The following ST6GALNAC3 variants were observed in gnomAD, a reference collection of about 807,000 sequenced individuals.
ST6GALNAC3 encodes alpha-N-acetylgalactosaminide alpha-2,6-sialyltransferase 3.
In ST6GALNAC3, 25 loss-of-function variants were observed where a neutral mutation model predicts 32.7. The ratio of observed to expected loss-of-function variants is 0.76; its 90% CI spans 0.56 to 1.07. The LOEUF (loss-of-function observed/expected upper bound fraction) is 1.07, where lower values mean the gene tolerates loss of function less well. Among genes scored for constraint, ST6GALNAC3 ranks in the 50% least tolerant of loss-of-function variants. The pLI is 0.00. For synonymous variants in ST6GALNAC3, 129 were observed against 133.1 expected (o/e 0.97, Z 0.21); for missense variants, 355 against 382.4 (o/e 0.93, Z 0.60).
intron 3 of ST6GALNAC3, among the ~76,000 whole-genome samples, chr1:76,559,971 A>G (rs1188916554): frequency 6.6e-6 from 1 of 152,154 alleles, no homozygotes; most frequent in Non-Finnish European, 1.5e-5. Flanking sequence ...AAGGGAAAAG[A>G]AGCAAATGAC....
intron 1 of ST6GALNAC3, among the ~76,000 whole-genome samples, chr1:76,202,218 T>G (rs534484776): frequency 6.6e-6 from 1 of 151,902 alleles, no homozygotes; most frequent in East Asian, 1.9e-4. Flanking sequence ...GCATTGATGC[T>G]TCCAAGCCAA....
At chr1:76,501,585 C>A (rs937632410) in intron 3 of ST6GALNAC3, among the ~76,000 whole-genome samples, 8 of 152,202 alleles carry the variant, frequency 5.3e-5, no homozygotes, top group African/African-American at 1.9e-4. Context: ...AAAACCACGC[C>A]TAATAAGGAA....
rs542661868 is a variant in ST6GALNAC3, at chr1:76,460,409, T to C, written c.623+47992T>C. Among the ~76,000 whole-genome samples, 4 of 152,036 alleles carry C rather than the reference T, an allele frequency of 2.6e-5. No homozygotes were observed. The East Asian group carries it at 7.8e-4, about 30-fold the overall frequency. On this transcript the variant is annotated intron_variant, in intron 3 of 4. Coordinates refer to ENST00000328299, the MANE Select transcript of ST6GALNAC3 (RefSeq NM_152996.4). ...GCTGTTTTATTGGAAATCACACAAC[T>C]TGGGAAAGTCTCAAGGATAAATTTT...
chr1:76,338,545 A>T (rs1237014055), intron 2 of ST6GALNAC3, among the ~76,000 whole-genome samples: 4 of 151,996 alleles, frequency 2.6e-5, no homozygotes, highest in Non-Finnish European at 5.9e-5. Flanking sequence ...CTATAGCAAT[A>T]CTCCTTAACG....
At chr1:76,112,796 T>C (rs1453923680) in intron 1 of ST6GALNAC3, among the ~76,000 whole-genome samples, 1 of 148,556 alleles carries the variant, frequency 6.7e-6, no homozygotes, top group East Asian at 2.0e-4. Context: ...CGGGCAGAGA[T>C]GCTCCTCACT....
chr1:76,484,927 ATGAAAGGCTGTTGAATTTCGTCAAAG>A (rs1659999988), intron 3 of ST6GALNAC3, among the ~76,000 whole-genome samples: 2 of 152,236 alleles, frequency 1.3e-5, no homozygotes, highest in Admixed American at 1.3e-4. Flanking sequence ...AGTTTTTAGC[ATGAAAGGCTGTTGAATTTCGTCAAAG>A]GCCTTTTCTG....
chr1:76,378,664 C>CCA (rs1394049523), intron 2 of ST6GALNAC3, among the ~76,000 whole-genome samples: 1 of 101,670 alleles, frequency 9.8e-6, no homozygotes, highest in African/African-American at 3.7e-5. Context: ...TTCCTTCCCC[C>CCA]CCCCAAAAAA....
chr1:76,214,329 A>G (rs1260133559), intron 1 of ST6GALNAC3, among the ~76,000 whole-genome samples: 1 of 152,060 alleles, frequency 6.6e-6, no homozygotes, highest in Non-Finnish European at 1.5e-5. Context: ...TAGCTTTGGT[A>G]TTTTCATCTT....
intron 3 of ST6GALNAC3, among the ~76,000 whole-genome samples, chr1:76,609,796 T>C (rs140368176): frequency 5.9e-5 from 9 of 152,126 alleles, no homozygotes; most frequent in Admixed American, 1.3e-4. Context: ...CTCCTTCATA[T>C]AGCATTAATT....
Position 76,378,667 on chromosome 1 carries a change from CCAA to C in ST6GALNAC3, c.214-33340_214-33338del, listed in dbSNP as rs1463202024. ...AGAAGAACGAAATTCCTTCCCCCCCCCAAAAAAAAAAATTAAAAATTTGCTTTT... is the reference window on the plus strand; with the variant it reads ...AGAAGAACGAAATTCCTTCCCCCCCCAAAAAAAAATTAAAAATTTGCTTTT... On this transcript the variant is annotated intron_variant, in intron 2 of 4. Coordinates refer to ENST00000328299, the MANE Select transcript of ST6GALNAC3 (RefSeq NM_152996.4). Among the ~76,000 whole-genome samples, 9 of 101,988 alleles carry C rather than the reference CCAA, an allele frequency of 8.8e-5. No individual in the cohort carries two copies. In the East Asian group the frequency reaches 1.5e-3, roughly 17 times the overall value. The allele number at this position is 101,988 out of a possible 152,430, so 66.9% of individuals were successfully genotyped here.
At chr1:76,123,200 C>T (rs902319690) in intron 1 of ST6GALNAC3, among the ~76,000 whole-genome samples, 13 of 151,912 alleles carry the variant, frequency 8.6e-5, no homozygotes, top group African/African-American at 2.2e-4. Flanking sequence ...GGTGAAACCC[C>T]GTCTCTACTA....
At chr1:76,503,438 C>A (rs1224185542) in intron 3 of ST6GALNAC3, among the ~76,000 whole-genome samples, 1 of 152,190 alleles carries the variant, frequency 6.6e-6, no homozygotes, top group Non-Finnish European at 1.5e-5. Flanking sequence ...TCTAGGGCAC[C>A]CTTTAGATAG....
At chr1:76,144,730 A>G (rs1650569832) in intron 1 of ST6GALNAC3, among the ~76,000 whole-genome samples, 1 of 152,218 alleles carries the variant, frequency 6.6e-6, no homozygotes, top group Admixed American at 6.5e-5. Context: ...AGTTCCTGGT[A>G]TCTTCTTTTC....
intron 3 of ST6GALNAC3, among the ~76,000 whole-genome samples, chr1:76,448,877 G>T (rs1657179252): frequency 6.6e-6 from 1 of 152,092 alleles, no homozygotes; most frequent in African/African-American, 2.4e-5. Flanking sequence ...TCACTCTGTT[G>T]CTCAGGTTGG....
intron 2 of ST6GALNAC3, among the ~76,000 whole-genome samples, chr1:76,363,898 A>T (rs1383897425): frequency 1.3e-5 from 2 of 152,150 alleles, no homozygotes; most frequent in African/African-American, 4.8e-5. Flanking sequence ...GAAAATACCA[A>T]GGGGGATGGC....
intron 1 of ST6GALNAC3, among the ~76,000 whole-genome samples, chr1:76,183,460 A>C (rs1653319256): frequency 6.6e-6 from 1 of 152,090 alleles, no homozygotes; most frequent in South Asian, 2.1e-4. Context: ...GAAACATATG[A>C]GTGTCATATA....
intron 3 of ST6GALNAC3, among the ~76,000 whole-genome samples, chr1:76,575,943 C>G (rs1197868734): frequency 6.6e-6 from 1 of 151,882 alleles, no homozygotes; most frequent in East Asian, 1.9e-4. Context: ...AGCCAAGATT[C>G]TGAGAAGATA....
chr1:76,634,685 ATTTTTTTTTTTTTTT>A (rs755148916), downstream of ST6GALNAC3: 6 of 47,358 alleles, frequency 1.3e-4, no homozygotes, highest in East Asian at 1.2e-3. Context: ...GCGGTATGGG[ATTTTTTTTTTTTTTT>A]TTTTTTTTTT....
At chr1:76,371,299 G>A (rs1650792279) in intron 2 of ST6GALNAC3, among the ~76,000 whole-genome samples, 1 of 152,090 alleles carries the variant, frequency 6.6e-6, no homozygotes, top group African/African-American at 2.4e-5. Context: ...TTATATAGGG[G>A]GCAAAGTTGT....
Sources: gnomAD v4.1 joint callset for allele counts (sites outside exome capture counted in the v4.1 genomes callset) on GRCh38, gnomAD v4.1.1 for gene constraint, MANE v1.5 for transcripts, NCBI Gene and HGNC (gene_info 2026-07-23, HGNC 2026-07-21) for gene names.